NCAM1: variants seen among roughly 807,000 people sequenced by gnomAD.
The protein encoded by NCAM1 is antigen recognized by monoclonal antibody 5.1H11.
NCAM1 carries 14 observed loss-of-function variants against 109.8 expected under a neutral mutation model. The ratio of observed to expected loss-of-function variants is 0.13; its 90% CI spans 0.08 to 0.20. NCAM1 has a LOEUF of 0.20. Among genes scored for constraint, NCAM1 ranks in the 10% least tolerant of loss-of-function variants. The pLI, the probability that NCAM1 is intolerant of heterozygous loss-of-function variation, is 1.00. For missense variants in NCAM1, 774 were observed against 1,109.9 expected, an observed-to-expected ratio of 0.70 and a Z score of 4.30; for synonymous variants, 418 against 442.9, an observed-to-expected ratio of 0.94 and a Z score of 0.70.
In NCAM1 at chr11:112,962,054, C is replaced by A. The variant is rs1056630184; in HGVS notation, c.52+390C>A. 2.7e-4 allele frequency among the ~76,000 whole-genome samples: 41 copies of A among 152,230 alleles called. No homozygotes were observed. The highest frequency in any genetic ancestry group is 9.9e-4 in the African/African-American group (41 of 41,560). Reference sequence around the variant, plus strand: ...TCGCGGCTCGGGTGGTGCCGCCGCACGGGCTCGGATTCCGAGGGGGAAGTG... The same window carrying A: ...TCGCGGCTCGGGTGGTGCCGCCGCAAGGGCTCGGATTCCGAGGGGGAAGTG... On this transcript the variant is annotated intron_variant, in intron 1 of 19. Transcript: ENST00000316851. This position sits in a 1 kb window ranked among gnomAD's most constrained non-coding sequence, Gnocchi z 5.6.
intron 1 of NCAM1, among the ~76,000 whole-genome samples, chr11:113,004,049 A>T (rs1372167224): frequency 1.3e-5 from 2 of 152,240 alleles, no homozygotes; most frequent in Admixed American, 6.5e-5. Context: ...ATTGTTGCGC[A>T]TGCTTTCTTC....
At chr11:113,107,341 A>C (rs1384900672) in intron 1 of NCAM1, among the ~76,000 whole-genome samples, 4 of 152,216 alleles carry the variant, frequency 2.6e-5, no homozygotes, top group Non-Finnish European at 5.9e-5. Context: ...TAAATGAAAT[A>C]ATATGTGCAA....
chr11:113,098,066 C>T (rs1434573499), intron 1 of NCAM1, among the ~76,000 whole-genome samples: 4 of 152,076 alleles, frequency 2.6e-5, no homozygotes, highest in South Asian at 4.1e-4. Flanking sequence ...AAATTCATGA[C>T]GTGGAATGTG....
intron 1 of NCAM1, among the ~76,000 whole-genome samples, chr11:113,035,183 T>TTA (rs1448879219): frequency 1.3e-5 from 2 of 152,210 alleles, no homozygotes; most frequent in African/African-American, 4.8e-5. Context: ...CCCTTAGACC[T>TTA]TATAACTAGG....
At chr11:113,144,969 A>T (rs1332511235) in intron 1 of NCAM1, among the ~76,000 whole-genome samples, 2 of 152,238 alleles carry the variant, frequency 1.3e-5, no homozygotes, top group Non-Finnish European at 2.9e-5. Flanking sequence ...ATGTTATGTC[A>T]GTCATCTTAA....
intron 9 of NCAM1, 69 bp from the exon 10 acceptor site, chr11:113,231,576 G>A: frequency 1.3e-6 from 2 of 1,495,966 alleles, no homozygotes; most frequent in Non-Finnish European, 1.8e-6. Flanking sequence ...CCCCCATCCT[G>A]CCATAGCACT....
At position 113,056,024 on chromosome 11, in the gene NCAM1, TAA is replaced by T. The variant is rs1299962712; in HGVS notation, c.52+94363_52+94364del. On this transcript the variant is annotated intron_variant, in intron 1 of 19. Coordinates refer to ENST00000316851, the MANE Select transcript of NCAM1 (RefSeq NM_181351.5). ...ATATATATATATATATATATATATATAAAATATATATATTATATATACACACA... is the reference window on the plus strand; with the variant it reads ...ATATATATATATATATATATATATATAATATATATATTATATATACACACA... Among the ~76,000 whole-genome samples, 84 of 108,122 alleles carry T rather than the reference TAA, an allele frequency of 7.8e-4. 2 individuals are homozygous for T. Among genetic ancestry groups the T allele is most frequent in the Non-Finnish European group, 1.4e-3 (71 of 52,244 alleles). The allele number at this position is 108,122 out of a possible 152,430, so 70.9% of individuals were successfully genotyped here.
intron 1 of NCAM1, among the ~76,000 whole-genome samples, chr11:113,117,108 G>A (rs1303927497): frequency 3.3e-5 from 5 of 151,926 alleles, no homozygotes; most frequent in Admixed American, 6.6e-5. Context: ...CAAAATTGGG[G>A]CAGCATTAAT....
chr11:113,052,835 T>C (rs189906967), intron 1 of NCAM1, among the ~76,000 whole-genome samples: 1 of 152,262 alleles, frequency 6.6e-6, no homozygotes, highest in African/African-American at 2.4e-5. Context: ...TTTGTCCTGA[T>C]GCTCTCCCTC....
chr11:113,179,200 A>G (rs1408027889), intron 1 of NCAM1, among the ~76,000 whole-genome samples: 2 of 152,300 alleles, frequency 1.3e-5, no homozygotes, highest in African/African-American at 4.8e-5. Context: ...AGATGAAGAA[A>G]CTGTCATATA....
intron 1 of NCAM1, among the ~76,000 whole-genome samples, chr11:112,981,326 G>A (rs918598270): frequency 4.6e-5 from 7 of 151,982 alleles, no homozygotes; most frequent in East Asian, 3.9e-4. Context: ...CAATAGATAC[G>A]GTTGCATTTT....
rs1946345720 is a variant in NCAM1, at chr11:113,273,775, T to G, written c.2457-1492T>G. The G allele has an allele frequency of 2.4e-6, 1 of 417,180 alleles. No individual in the cohort carries two copies. The allele number at this position is 417,180 out of a possible 1,614,324, so 25.8% of individuals were successfully genotyped here. On this transcript the variant is annotated intron_variant, in intron 19 of 19. Coordinates refer to ENST00000316851, the MANE Select transcript of NCAM1 (RefSeq NM_181351.5). This position sits in a 1 kb window ranked among gnomAD's most constrained non-coding sequence, Gnocchi z 6.0. ...TACGGCCTCTCTTTGTCTGCTGTCA[T>G]CGGGTTGTGTCCTGTGGTGGTGTGC... is the stretch of plus-strand genomic sequence containing the variant.
chr11:113,266,837 T>C (rs1946141934), intron 17 of NCAM1, among the ~76,000 whole-genome samples: 1 of 152,220 alleles, frequency 6.6e-6, no homozygotes, highest in African/African-American at 2.4e-5. Context: ...GAGACTGGCA[T>C]TAGGGAACCT....
chr11:113,259,088 GTC>G, intron 16 of NCAM1, among the ~76,000 whole-genome samples: 1 of 134,638 alleles, frequency 7.4e-6, no homozygotes, highest in African/African-American at 2.8e-5. Context: ...GTCTCGCTCT[GTC>G]GCCCAGGCTG....
Position 112,961,500 on chromosome 11 carries a change from C to A in NCAM1, c.-113C>A. On this transcript the variant is annotated 5_prime_UTR_variant, in exon 1 of 20. It adds an upstream start codon to the 5' untranslated region. Transcript: ENST00000316851. Reference sequence around the variant, plus strand: ...TTCTGCAAAAATAATCATACTCAGCCTGGCAATTGTCTGCCCCTAGGTCTG... The same window carrying A: ...TTCTGCAAAAATAATCATACTCAGCATGGCAATTGTCTGCCCCTAGGTCTG... 1.2e-6 allele frequency: 1 copy of A among 803,330 alleles called. No individual in the cohort carries two copies. The highest frequency in any genetic ancestry group is 2.3e-6 in the Non-Finnish European group (1 of 439,354). 49.8% of individuals were successfully genotyped at this position (803,330 alleles called of 1,614,324 possible). A position where few individuals can be genotyped will look rare whatever the true frequency, so the allele number is the denominator to read the frequency against.
intron 1 of NCAM1, among the ~76,000 whole-genome samples, chr11:113,168,634 A>G (rs2136432200): frequency 6.6e-6 from 1 of 152,232 alleles, no homozygotes; most frequent in East Asian, 1.9e-4. Context: ...TGTGTTATTA[A>G]CTTCTCAGAT....
rs868963697 is a variant in NCAM1 at position 113,021,251 on chromosome 11, T to C, written c.52+59587T>C. On this transcript the variant is annotated intron_variant, in intron 1 of 19. Coordinates refer to ENST00000316851, the MANE Select transcript of NCAM1 (RefSeq NM_181351.5). The stretch of plus-strand genomic sequence containing the variant: ...ATCAGATCATCACTGCAAAGGATCA[T>C]GAGTTAGCATGCTATAGCCCATTCT... Among the ~76,000 whole-genome samples the C allele has an allele frequency of 3.3e-4, 50 of 152,334 alleles. 1 individual carries two copies. The highest frequency in any genetic ancestry group is 1.2e-3 in the African/African-American group (48 of 41,592).
At chr11:113,084,158 C>T (rs1938974338) in intron 1 of NCAM1, among the ~76,000 whole-genome samples, 2 of 152,162 alleles carry the variant, frequency 1.3e-5, no homozygotes, top group Non-Finnish European at 2.9e-5. Flanking sequence ...AAGGCCCCTA[C>T]TAATGAGGCA....
chr11:113,067,906 G>GTTTTTTT (rs782134624), intron 1 of NCAM1, among the ~76,000 whole-genome samples: 1 of 125,436 alleles, frequency 8.0e-6, no homozygotes, highest in Admixed American at 8.8e-5. Flanking sequence ...CATATAACAA[G>GTTTTTTT]TTTTTTTTTT....
Sources: gnomAD v4.1 joint callset for allele counts (sites outside exome capture counted in the v4.1 genomes callset) on GRCh38, gnomAD v4.1.1 for gene constraint, Gnocchi (gnomAD v3.1) non-coding constraint, MANE v1.5 for transcripts, NCBI Gene and HGNC (gene_info 2026-07-23, HGNC 2026-07-21) for gene names.